Variants in INPP5D observed in about 807,000 individuals in gnomAD.
INPP5D encodes the protein phosphatidylinositol 3,4,5-trisphosphate 5-phosphatase 1.
Under a neutral mutation model 122.9 loss-of-function variants are expected in INPP5D, and 33 were observed. The ratio of observed to expected loss-of-function variants is 0.27; its 90% confidence interval spans 0.20 to 0.36. The LOEUF is 0.36. Ranked by LOEUF, INPP5D falls within the 10% of genes least tolerant of loss-of-function variation. The pLI is 1.00. For synonymous variants in INPP5D, 584 were observed against 576.2 expected, an observed-to-expected ratio of 1.01 and a Z score of -0.19; for missense variants, 1,053 against 1,412.7, an observed-to-expected ratio of 0.75 and a Z score of 4.08.
At chr2:233,172,440 G>A (rs1260518747) in intron 17 of INPP5D, among the ~76,000 whole-genome samples, 1 of 152,140 alleles carries the variant, frequency 6.6e-6, no homozygotes, top group Non-Finnish European at 1.5e-5. Context: ...AGGCCGTTGT[G>A]CACATTCAGC....
At chr2:233,175,217 CA>C (rs1220185296) in intron 17 of INPP5D, among the ~76,000 whole-genome samples, 1 of 68,612 alleles carries the variant, frequency 1.5e-5, no homozygotes, top group African/African-American at 6.2e-5. Context: ...GACTCCATCT[CA>C]AAAAAAAAAA....
chr2:233,147,620 A>AC, intron 9 of INPP5D, 26 bp downstream of exon 9: 1 of 701,648 alleles, frequency 1.4e-6, no homozygotes, highest in Non-Finnish European at 2.6e-6. Context: ...CCTATCAACC[A>AC]CTGCCCCTCA....
intron 2 of INPP5D, among the ~76,000 whole-genome samples, chr2:233,088,884 T>C (rs144548705): frequency 4.4e-4 from 67 of 152,234 alleles, no homozygotes; most frequent in Non-Finnish European, 6.9e-4. Context: ...GGAGGACAAG[T>C]GCCTGGAAAT....
intron 6 of INPP5D, among the ~76,000 whole-genome samples, chr2:233,143,218 G>A (rs1693666015): frequency 6.6e-6 from 1 of 152,206 alleles, no homozygotes; most frequent in South Asian, 2.1e-4. Flanking sequence ...GAAGTATGGG[G>A]AAAGCTCCAG....
intron 25 of INPP5D, among the ~76,000 whole-genome samples, chr2:233,199,584 C>A (rs1323531623): frequency 1.3e-5 from 2 of 150,384 alleles, no homozygotes; most frequent in African/African-American, 4.9e-5. Context: ...AATCCCAACA[C>A]TTTGGGAGGC....
rs1221754535 is a variant in INPP5D, at chr2:233,128,582, A to C, written c.525-1926A>C. 2.0e-5 allele frequency among the ~76,000 whole-genome samples: 3 copies of C among 152,248 alleles called. No homozygotes were observed. Among genetic ancestry groups the C allele is most frequent in the African/African-American group, 7.2e-5 (3 of 41,544 alleles). ...AACCTCTACCTCCTGGGTTCAAGCA[A>C]TCCTCCCGCCTCAGCCTCCTGAGTA... On this transcript the variant is annotated intron_variant, in intron 4 of 26. Transcript: ENST00000445964. The surrounding 1 kb of genome is among the most constrained non-coding windows in gnomAD (Gnocchi z 4.5).
At chr2:233,120,576 G>C (rs1442104935) in intron 2 of INPP5D, 2 of 152,332 alleles carry the variant, frequency 1.3e-5, no homozygotes, top group Admixed American at 1.3e-4. Context: ...TGCCAGGGGC[G>C]CTATGCTCCT....
Position 233,193,819 on chromosome 2 carries a change from C to G in INPP5D, c.2454C>G (p.Gly818=). The change falls in exon 23 of 27, where the codon GGC becomes GGG. Residue 818 remains glycine (G), a synonymous_variant. Transcript: ENST00000445964. Reference sequence around the variant, plus strand: ...CTCCCACTTTCCCTGCAGGCGAGGGCTGCATTGCCCTTCGGTTAGAGGCCA... The same window carrying G: ...CTCCCACTTTCCCTGCAGGCGAGGGGTGCATTGCCCTTCGGTTAGAGGCCA... ...SSDSDESYGE[G]CIALRLEATE... 6.2e-7 allele frequency: 1 copy of G among 1,613,970 alleles called. No individual in the cohort carries two copies. The highest frequency in any genetic ancestry group is 1.1e-5 in the South Asian group (1 of 91,092).
chr2:233,125,972 G>A, intron 4 of INPP5D, 53 bp downstream of exon 4: 1 of 1,553,858 alleles, frequency 6.4e-7, no homozygotes, highest in Non-Finnish European at 8.8e-7. Flanking sequence ...AGCCCAGCCA[G>A]GGCAGGGCTG....
At position 233,195,387 on chromosome 2, in the gene INPP5D, C is replaced by A. The variant is rs750310165; in HGVS notation, c.2597-12C>A. 2 of 1,613,794 alleles carry A rather than the reference C, an allele frequency of 1.2e-6. No homozygotes were observed. The highest frequency in any genetic ancestry group is 1.7e-6 in the Non-Finnish European group (2 of 1,179,766). On this transcript the variant is annotated splice_polypyrimidine_tract_variant and intron_variant, in intron 23 of 26. Coordinates refer to ENST00000445964, the MANE Select transcript of INPP5D (RefSeq NM_001017915.3). ...GGCCCTCACATGCTCTTTCCCGTCC[C>A]TTTCCTTCCAGACTTTGTGAAGACG... is the stretch of plus-strand genomic sequence containing the variant.
intron 14 of INPP5D, 84 bp from the exon 15 acceptor site, chr2:233,169,942 C>T (rs992597979): frequency 1.9e-6 from 3 of 1,599,748 alleles, no homozygotes; most frequent in Non-Finnish European, 2.6e-6. Context: ...CCTCGCCCCA[C>T]ACCTATGGCA....
chr2:233,184,165 G>A (rs184742907), intron 19 of INPP5D, among the ~76,000 whole-genome samples: 47 of 152,246 alleles, frequency 3.1e-4, no homozygotes, highest in Admixed American at 2.9e-3. Context: ...AATGAGGTCC[G>A]GACTCCTGGG....
At chr2:233,148,201 G>A (rs369503820) in intron 9 of INPP5D, among the ~76,000 whole-genome samples, 1 of 152,254 alleles carries the variant, frequency 6.6e-6, no homozygotes, top group East Asian at 1.9e-4. Context: ...CAGCAGGGCA[G>A]ATGAGGCCCC....
chr2:233,195,861 T>C lies in INPP5D; in HGVS notation c.2693+366T>C, dbSNP rs533692776. Among the ~76,000 whole-genome samples the C allele has an allele frequency of 6.6e-5, 10 of 152,254 alleles. No homozygotes were observed. The East Asian group carries it at 1.4e-3, about 21-fold the overall frequency. On this transcript the variant is annotated intron_variant, in intron 24 of 26. Transcript: ENST00000445964. Reference sequence around the variant, plus strand: ...GGCACACGCCTCTAATCCCAGCTACTCTGGAGGGCTGAGGCACAAGAATTG... The same window carrying C: ...GGCACACGCCTCTAATCCCAGCTACCCTGGAGGGCTGAGGCACAAGAATTG...
chr2:233,095,277 C>T (rs904987144), intron 2 of INPP5D, among the ~76,000 whole-genome samples: 1 of 152,178 alleles, frequency 6.6e-6, no homozygotes, highest in Non-Finnish European at 1.5e-5. Flanking sequence ...TGAGATAGAA[C>T]TTGTATTTTA....
intron 1 of INPP5D, 88 bp from the exon 2 acceptor site, chr2:233,079,247 A>G (rs752182011): frequency 7.2e-6 from 6 of 833,322 alleles, no homozygotes; most frequent in Non-Finnish European, 1.2e-5. Context: ...CAGATTCCTC[A>G]AGCTGTGTCA....
intron 18 of INPP5D, among the ~76,000 whole-genome samples, chr2:233,181,826 G>T (rs1023983139): frequency 3.3e-5 from 5 of 152,166 alleles, no homozygotes; most frequent in Non-Finnish European, 5.9e-5. Flanking sequence ...GCCAGGCGTG[G>T]TGGCTCACGT....
intron 1 of INPP5D, among the ~76,000 whole-genome samples, chr2:233,072,260 CT>C (rs1334997828): frequency 6.6e-6 from 1 of 152,100 alleles, no homozygotes; most frequent in Non-Finnish European, 1.5e-5. Flanking sequence ...TATCAAATGC[CT>C]TTTTAATATC....
intron 2 of INPP5D, 33 bp from the exon 3 acceptor site, chr2:233,122,074 A>G (rs752997100): frequency 1.7e-5 from 28 of 1,610,310 alleles, no homozygotes; most frequent in Non-Finnish European, 2.3e-5. Context: ...TAGTTGGTTA[A>G]CATGTGCGTT....
Sources: allele counts gnomAD v4.1 joint callset (sites outside exome capture counted in the v4.1 genomes callset), GRCh38; gene constraint gnomAD v4.1.1; non-coding constraint Gnocchi (gnomAD v3.1); transcripts MANE v1.5; gene names NCBI Gene and HGNC (gene_info 2026-07-23, HGNC 2026-07-21).